Variants in LDAH observed in about 807,000 individuals in gnomAD.
The protein encoded by LDAH is lipid droplet associated hydrolase.
LDAH carries 26 observed loss-of-function variants against 29.6 expected under a neutral mutation model. That is an observed-to-expected ratio of 0.88 (90% CI 0.64 to 1.22). LDAH has a LOEUF of 1.22. Ranked by LOEUF, LDAH falls within the 50% of genes most tolerant of loss-of-function variation. LDAH has a pLI of 0.00. For synonymous variants in LDAH, 117 were observed against 133.0 expected (o/e 0.88, Z 0.83); for missense variants, 344 against 387.3 (o/e 0.89, Z 0.94).
At chr2:20,712,836 G>GA (rs1664872725) in intron 5 of LDAH, among the ~76,000 whole-genome samples, 1 of 151,574 alleles carries the variant, frequency 6.6e-6, no homozygotes, top group Admixed American at 6.6e-5. Context: ...GAAGTTTAGA[G>GA]AAAAAAAGAG....
chr2:20,802,072 A>T (rs1220725954), intron 1 of LDAH, among the ~76,000 whole-genome samples: 1 of 151,042 alleles, frequency 6.6e-6, no homozygotes, highest in Non-Finnish European at 1.5e-5. Flanking sequence ...CACAATATAC[A>T]TGTATATATA....
intron 1 of LDAH, among the ~76,000 whole-genome samples, chr2:20,809,090 T>A (rs772276479): frequency 1.3e-5 from 2 of 151,936 alleles, no homozygotes; most frequent in Non-Finnish European, 2.9e-5. Context: ...ATAGTAAACA[T>A]GAGCCATAAA....
intron 6 of LDAH, among the ~76,000 whole-genome samples, chr2:20,687,946 AAGAC>A (rs1365263546): frequency 6.6e-6 from 1 of 152,236 alleles, no homozygotes; most frequent in East Asian, 1.9e-4. Context: ...TTATCACTGA[AAGAC>A]AGAGCTATGC....
At chr2:20,760,272 C>T (rs1668593257) in intron 4 of LDAH, among the ~76,000 whole-genome samples, 1 of 152,148 alleles carries the variant, frequency 6.6e-6, no homozygotes, top group East Asian at 1.9e-4. Context: ...CTGATACTAA[C>T]TTAGGGCCAC....
At chr2:20,819,936 G>C (rs971802901) in intron 1 of LDAH, among the ~76,000 whole-genome samples, 119 of 152,206 alleles carry the variant, frequency 7.8e-4, no homozygotes, top group African/African-American at 2.8e-3. Context: ...CAAAATCAAT[G>C]TGCAAAAATC....
chr2:20,712,475 C>T (rs568952956), intron 5 of LDAH, among the ~76,000 whole-genome samples: 159 of 152,278 alleles, frequency 1.0e-3, no homozygotes, highest in Non-Finnish European at 1.6e-3. Flanking sequence ...CAGAGTGGCT[C>T]TTCTACTCCA....
chr2:20,746,444 G>A (rs1667573928), intron 4 of LDAH, among the ~76,000 whole-genome samples: 3 of 152,148 alleles, frequency 2.0e-5, no homozygotes, highest in African/African-American at 7.2e-5. Flanking sequence ...CAATAAGGAA[G>A]TTCTAATATG....
intron 5 of LDAH, among the ~76,000 whole-genome samples, chr2:20,734,204 T>G (rs556208016): frequency 3.9e-5 from 6 of 152,338 alleles, no homozygotes; most frequent in Admixed American, 1.3e-4. Flanking sequence ...TTGTTATATT[T>G]AAACTAAGAC....
chr2:20,787,148 C>G (rs1388698790), intron 3 of LDAH, among the ~76,000 whole-genome samples: 1 of 152,156 alleles, frequency 6.6e-6, no homozygotes, highest in Non-Finnish European at 1.5e-5. Context: ...GTAGTGTATT[C>G]TACATAAACG....
intron 4 of LDAH, among the ~76,000 whole-genome samples, chr2:20,769,340 C>T (rs1669254957): frequency 6.6e-6 from 1 of 152,200 alleles, no homozygotes; most frequent in Non-Finnish European, 1.5e-5. Flanking sequence ...TGTCTTGTCA[C>T]TTGTCACTTG....
intron 3 of LDAH, among the ~76,000 whole-genome samples, chr2:20,783,896 A>G (rs944289741): frequency 6.6e-6 from 1 of 152,000 alleles, no homozygotes; most frequent in Non-Finnish European, 1.5e-5. Context: ...ATTTTTCTGT[A>G]GAGTTGGAGT....
intron 4 of LDAH, among the ~76,000 whole-genome samples, chr2:20,745,441 A>G (rs1359523626): frequency 2.0e-5 from 3 of 152,102 alleles, no homozygotes; most frequent in Non-Finnish European, 4.4e-5. Context: ...CCTGTTGGTC[A>G]TTTGCATTTT....
intron 4 of LDAH, among the ~76,000 whole-genome samples, chr2:20,755,229 T>C (rs922228031): frequency 3.3e-5 from 5 of 151,966 alleles, no homozygotes; most frequent in African/African-American, 9.7e-5. Flanking sequence ...TAAAAGTGTA[T>C]CTCATGTTGT....
At chr2:20,710,439 T>C (rs1157747420) in intron 5 of LDAH, among the ~76,000 whole-genome samples, 1 of 151,692 alleles carries the variant, frequency 6.6e-6, no homozygotes, top group Non-Finnish European at 1.5e-5. Flanking sequence ...ATTTGTAATT[T>C]AAAATCTCTT....
chr2:20,690,707 G>A (rs1332939972), intron 6 of LDAH, among the ~76,000 whole-genome samples: 1 of 152,070 alleles, frequency 6.6e-6, no homozygotes. Flanking sequence ...GATGGGGGAG[G>A]AGGGGTGAAG....
At chr2:20,757,006 G>A (rs1482823791) in intron 4 of LDAH, among the ~76,000 whole-genome samples, 2 of 152,218 alleles carry the variant, frequency 1.3e-5, no homozygotes, top group Non-Finnish European at 2.9e-5. Flanking sequence ...GGTGTTGATA[G>A]GAGGTGAAGA....
At position 20,685,238 on chromosome 2, in the gene LDAH, T is replaced by C. The variant is rs1490377631; in HGVS notation, c.*1665A>G. 8 of 468,666 alleles carry C rather than the reference T, an allele frequency of 1.7e-5. No homozygotes were observed. The highest frequency in any genetic ancestry group is 2.6e-5 in the Non-Finnish European group (7 of 270,262). 29.0% of individuals were successfully genotyped at this position (468,666 alleles called of 1,614,324 possible). A position where few individuals can be genotyped will look rare whatever the true frequency, so the allele number is the denominator to read the frequency against. On this transcript the variant is annotated 3_prime_UTR_variant, in exon 7 of 7. Coordinates refer to ENST00000237822, the MANE Select transcript of LDAH (RefSeq NM_021925.4). Reference sequence around the variant, plus strand: ...ATAAAAGAAAAGCTCTGAATGTTACTCTTTATTCTGGTAGGTATGATTTAC... The same window carrying C: ...ATAAAAGAAAAGCTCTGAATGTTACCCTTTATTCTGGTAGGTATGATTTAC...
intron 1 of LDAH, among the ~76,000 whole-genome samples, chr2:20,805,752 C>T (rs865800270): frequency 1.1e-4 from 17 of 151,994 alleles, no homozygotes; most frequent in Admixed American, 1.3e-4. Context: ...CTCATACAAA[C>T]CTAGATAATT....
At chr2:20,813,681 CT>C (rs1672655245) in intron 1 of LDAH, among the ~76,000 whole-genome samples, 1 of 152,152 alleles carries the variant, frequency 6.6e-6, no homozygotes, top group Admixed American at 6.5e-5. Flanking sequence ...GAATGTAATT[CT>C]TTTAGCGATG....
Sources: gnomAD v4.1 joint callset for allele counts (sites outside exome capture counted in the v4.1 genomes callset) on GRCh38, gnomAD v4.1.1 for gene constraint, MANE v1.5 for transcripts, NCBI Gene and HGNC (gene_info 2026-07-23, HGNC 2026-07-21) for gene names.